The following SRGAP1 variants were observed in gnomAD, a reference collection of about 807,000 sequenced individuals.
SRGAP1 encodes the protein SLIT-ROBO Rho GTPase-activating protein 1.
SRGAP1 carries 43 observed loss-of-function variants against 121.9 expected under a neutral mutation model. The ratio of observed to expected loss-of-function variants is 0.35; its 90% CI spans 0.28 to 0.46. The LOEUF (loss-of-function observed/expected upper bound fraction) is 0.46. Ranked by LOEUF, SRGAP1 falls within the 20% of genes least tolerant of loss-of-function variation. SRGAP1 has a pLI of 1.00. For synonymous variants in SRGAP1, 447 were observed against 485.4 expected (o/e 0.92, Z 1.04); for missense variants, 1,102 against 1,350.9 (o/e 0.82, Z 2.89).
At chr12:63,930,058 G>A (rs2031413632) in intron 1 of SRGAP1, among the ~76,000 whole-genome samples, 1 of 152,142 alleles carries the variant, frequency 6.6e-6, no homozygotes, top group Non-Finnish European at 1.5e-5. Flanking sequence ...ATGCTGGTGA[G>A]GTTGTGGAGA....
At chr12:63,994,470 C>T (rs1251439133) in intron 3 of SRGAP1, among the ~76,000 whole-genome samples, 2 of 152,106 alleles carry the variant, frequency 1.3e-5, no homozygotes, top group Non-Finnish European at 2.9e-5. Flanking sequence ...CACCTTTGAA[C>T]ATTTAGTGGG....
At chr12:64,099,035 A>G (rs1482509417) in intron 15 of SRGAP1, among the ~76,000 whole-genome samples, 1 of 152,110 alleles carries the variant, frequency 6.6e-6, no homozygotes. Flanking sequence ...ATCTCCCCGC[A>G]TTATAATTTT....
chr12:63,891,844 G>A (rs924473816), intron 1 of SRGAP1, among the ~76,000 whole-genome samples: 1 of 151,792 alleles, frequency 6.6e-6, no homozygotes, highest in African/African-American at 2.4e-5. Flanking sequence ...AAAATTAGCT[G>A]GGTGTGGTGG....
intron 4 of SRGAP1, among the ~76,000 whole-genome samples, chr12:64,024,308 A>G (rs1292466088): frequency 2.0e-5 from 3 of 152,082 alleles, no homozygotes; most frequent in African/African-American, 4.8e-5. Context: ...GTGTGTGCCT[A>G]TAGTCCCAGC....
intron 1 of SRGAP1, among the ~76,000 whole-genome samples, chr12:63,848,008 T>C (rs1264342626): frequency 7.4e-6 from 1 of 136,004 alleles, no homozygotes; most frequent in African/African-American, 3.3e-5. Context: ...ATTTTTATTT[T>C]ATATATATAT....
At chr12:63,983,849 TA>T (rs2033341321) in intron 1 of SRGAP1, 97 bp from the exon 2 acceptor site, 3 of 101,984 alleles carry the variant, frequency 2.9e-5, no homozygotes, top group Non-Finnish European at 5.6e-5. Flanking sequence ...TATATATATA[TA>T]TATATTTATA....
chr12:64,131,696 G>T (rs749390462), intron 21 of SRGAP1, among the ~76,000 whole-genome samples: 51 of 152,160 alleles, frequency 3.4e-4, no homozygotes, highest in Non-Finnish European at 6.5e-4. Flanking sequence ...GCATGAGCTC[G>T]ATCACATATA....
intron 4 of SRGAP1, among the ~76,000 whole-genome samples, chr12:64,037,530 A>G (rs904550957): frequency 6.6e-6 from 1 of 152,214 alleles, no homozygotes; most frequent in Non-Finnish European, 1.5e-5. Flanking sequence ...TATAGAATAC[A>G]TTATGCCCTT....
Position 64,160,773 on chromosome 12 carries a change from AAG to A in SRGAP1, c.*18104_*18105del, listed in dbSNP as rs1165016597. On this transcript the variant is annotated 3_prime_UTR_variant, in exon 22 of 22. Transcript: ENST00000355086. ...GAAAGTGTAAGAATGAGGTGGCAGA[AAG>A]AGGTAGAAACAGCATGAAAAGGCAG... The A allele has an allele frequency of 3.3e-5, 5 of 152,210 alleles. No homozygotes were observed. Among genetic ancestry groups the A allele is most frequent in the Non-Finnish European group, 7.3e-5 (5 of 68,060 alleles). 9.4% of individuals were successfully genotyped at this position (152,210 alleles called of 1,614,324 possible).
Position 63,965,083 on chromosome 12 carries a change from T to A in SRGAP1, c.68-18864T>A, listed in dbSNP as rs79349270. ...ACCTTTTTGAATCTTAGTTTTCACATCTGCAAAATAGGAATGTTCGAATGT... is the reference window on the plus strand; with the variant it reads ...ACCTTTTTGAATCTTAGTTTTCACAACTGCAAAATAGGAATGTTCGAATGT... On this transcript the variant is annotated intron_variant, in intron 1 of 21. Transcript: ENST00000355086. Among the ~76,000 whole-genome samples the A allele has an allele frequency of 9.2e-4, 140 of 152,282 alleles. 4 individuals carry two copies. The East Asian group carries it at 0.024, about 26-fold the overall frequency.
chr12:63,878,784 T>C (rs1394060511), intron 1 of SRGAP1: 1 of 152,262 alleles, frequency 6.6e-6, no homozygotes, highest in Non-Finnish European at 1.5e-5. Flanking sequence ...TGCAAAGTCC[T>C]TGGCTGGTGA....
chr12:64,106,289 TTTTC>T (rs1335198357), intron 15 of SRGAP1, among the ~76,000 whole-genome samples: 1 of 152,180 alleles, frequency 6.6e-6, no homozygotes, highest in Non-Finnish European at 1.5e-5. Flanking sequence ...TTGAAGAGTT[TTTTC>T]TTTTTCATTT....
At chr12:63,868,092 T>G (rs1899723368) in intron 1 of SRGAP1, among the ~76,000 whole-genome samples, 1 of 96,126 alleles carries the variant, frequency 1.0e-5, no homozygotes, top group African/African-American at 4.4e-5. Context: ...TTTTTTTTTT[T>G]GTTTTTTGAG....
At chr12:63,999,572 G>C (rs926628346) in intron 3 of SRGAP1, among the ~76,000 whole-genome samples, 1 of 152,156 alleles carries the variant, frequency 6.6e-6, no homozygotes. Flanking sequence ...GAAGAGAGAT[G>C]TAGAGGGAGC....
intron 4 of SRGAP1, among the ~76,000 whole-genome samples, chr12:64,026,841 G>A (rs141915034): frequency 1.2e-3 from 179 of 151,630 alleles, no homozygotes; most frequent in African/African-American, 4.2e-3. Flanking sequence ...ACTCCAGCCT[G>A]GGGGTCAGAG....
chr12:63,983,995 C>A lies in SRGAP1; in HGVS notation c.116C>A (p.Thr39Lys). 6.4e-7 allele frequency: 1 copy of A among 1,565,298 alleles called. No individual in the cohort carries two copies. ...CAACAAAAATGCCTGGAGCAGCAAA[C>A]GGAGATGCGAGTTCAGCTTCTCCAG... ...VEQQKCLEQQ[T>K]EMRVQLLQDL... Residue 39 changes from threonine (T) to lysine (K), a missense_variant, in exon 2 of 22, where the codon ACG (threonine) becomes AAG (lysine). Thr to Lys is a moderately conservative substitution (Grantham distance 78). Transcript: ENST00000355086.
rs763987787 is a variant in SRGAP1, at chr12:64,063,002, A to G, written c.887A>G (p.His296Arg). Residue 296 changes from histidine (H) to arginine (R), a missense_variant, in exon 7 of 22, where the codon CAT becomes CGT. His to Arg is a conservative substitution (Grantham distance 29). Around this residue, in one of 3 missense-constraint regions of SRGAP1, gnomAD observed 747 missense variants for 929.4 expected, o/e 0.80. Transcript: ENST00000355086. ...GAGTACAACCTTGAAACCTCCAGAC[A>G]TGAGGGCTTAGACATTATTGAGAAT... Reference protein sequence around the residue: ...SAEYNLETSRHEGLDIIENAV... With the variant: ...SAEYNLETSRREGLDIIENAV... The G allele has an allele frequency of 6.2e-7, 1 of 1,614,116 alleles. No homozygotes were observed. The highest frequency in any genetic ancestry group is 8.5e-7 in the Non-Finnish European group (1 of 1,179,982).
chr12:63,881,391 T>A (rs1283533692), intron 1 of SRGAP1, among the ~76,000 whole-genome samples: 3 of 152,216 alleles, frequency 2.0e-5, no homozygotes, highest in Non-Finnish European at 4.4e-5. Flanking sequence ...AATAAATTGA[T>A]GATCTGTAGT....
intron 6 of SRGAP1, among the ~76,000 whole-genome samples, chr12:64,054,733 T>C (rs1166966781): frequency 2.0e-5 from 3 of 147,402 alleles, no homozygotes; most frequent in South Asian, 2.2e-4. Context: ...TTGTTTTAAG[T>C]TTTTTTTTCT....
Sources: gnomAD v4.1 joint callset for allele counts (sites outside exome capture counted in the v4.1 genomes callset) on GRCh38, gnomAD v4.1.1 for gene constraint, gnomAD v4.1.1 regional missense constraint, MANE v1.5 for transcripts, NCBI Gene and HGNC (gene_info 2026-07-23, HGNC 2026-07-21) for gene names.